TMEM117: variants seen among roughly 807,000 people sequenced by gnomAD.
The protein encoded by TMEM117 is transmembrane protein 117.
TMEM117 carries 27 observed loss-of-function variants against 52.4 expected under a neutral mutation model. The ratio of observed to expected loss-of-function variants is 0.51; its 90% CI spans 0.38 to 0.71. The LOEUF (loss-of-function observed/expected upper bound fraction) is 0.71, where lower values mean the gene tolerates loss of function less well. Among genes scored for constraint, TMEM117 ranks in the 30% least tolerant of loss-of-function variants. The pLI, the probability that TMEM117 is intolerant of heterozygous loss-of-function variation, is 0.00. For synonymous variants in TMEM117, 215 were observed against 206.3 expected, an observed-to-expected ratio of 1.04 and a Z score of -0.36; for missense variants, 556 against 630.5, an observed-to-expected ratio of 0.88 and a Z score of 1.26.
intron 5 of TMEM117, among the ~76,000 whole-genome samples, chr12:44,285,074 G>A (rs904383609): frequency 1.3e-5 from 2 of 152,138 alleles, no homozygotes; most frequent in Admixed American, 6.5e-5. Flanking sequence ...CAGAACTCCA[G>A]GGGACTTTAT....
intron 5 of TMEM117, among the ~76,000 whole-genome samples, chr12:44,270,569 G>A (rs1207959503): frequency 6.6e-6 from 1 of 152,052 alleles, no homozygotes; most frequent in Non-Finnish European, 1.5e-5. Flanking sequence ...AAGAGTGACA[G>A]TTTTACTTCC....
chr12:43,799,796 A>T, the TMEM117 span, among the ~76,000 whole-genome samples: 1 of 152,120 alleles, frequency 6.6e-6, no homozygotes, highest in Non-Finnish European at 1.5e-5. Context: ...AGTCTATAGG[A>T]CAACTGTAAT....
chr12:43,879,600 C>T (rs1015311215), intron 2 of TMEM117, among the ~76,000 whole-genome samples: 1 of 152,200 alleles, frequency 6.6e-6, no homozygotes, highest in African/African-American at 2.4e-5. Flanking sequence ...ATGTCATCTC[C>T]ATAGTTTGAT....
intron 3 of TMEM117, among the ~76,000 whole-genome samples, chr12:44,070,118 T>C (rs1436939520): frequency 6.6e-6 from 1 of 152,192 alleles, no homozygotes; most frequent in African/African-American, 2.4e-5. Flanking sequence ...TTTAAACTCC[T>C]GGACTCAAGT....
intron 3 of TMEM117, among the ~76,000 whole-genome samples, chr12:44,029,753 T>C (rs1315701973): frequency 1.3e-5 from 2 of 152,190 alleles, no homozygotes; most frequent in Admixed American, 1.3e-4. Flanking sequence ...TGTTCTATAG[T>C]GGAGAGGGGT....
At chr12:43,923,516 T>C (rs1015685459) in intron 2 of TMEM117, among the ~76,000 whole-genome samples, 31 of 152,224 alleles carry the variant, frequency 2.0e-4, no homozygotes, top group African/African-American at 7.5e-4. Context: ...TTACAATGAG[T>C]CAGTATTTTT....
At chr12:43,804,658 A>G in the TMEM117 span, 1 of 918,816 alleles carries the variant, frequency 1.1e-6, no homozygotes, top group Admixed American at 2.6e-5. Flanking sequence ...ATTAGAATAC[A>G]AAGAAAAAAT....
chr12:43,921,593 G>T (rs1944694988), intron 2 of TMEM117, among the ~76,000 whole-genome samples: 1 of 152,046 alleles, frequency 6.6e-6, no homozygotes, highest in Non-Finnish European at 1.5e-5. Flanking sequence ...AAGTTTTATT[G>T]GTTCTACCTT....
chr12:43,954,307 T>G (rs920736192), intron 3 of TMEM117, among the ~76,000 whole-genome samples: 2 of 146,676 alleles, frequency 1.4e-5, no homozygotes, highest in African/African-American at 5.1e-5. Flanking sequence ...AAGCTCAGAG[T>G]GGAACTGAAG....
intron 3 of TMEM117, among the ~76,000 whole-genome samples, chr12:43,959,086 C>T (rs947585545): frequency 1.3e-5 from 2 of 152,120 alleles, no homozygotes; most frequent in African/African-American, 4.8e-5. Flanking sequence ...GCATTACAGG[C>T]GTGAGCCACC....
intron 6 of TMEM117, among the ~76,000 whole-genome samples, chr12:44,306,884 T>A (rs1950911054): frequency 6.6e-6 from 1 of 152,240 alleles, no homozygotes; most frequent in South Asian, 2.1e-4. Flanking sequence ...TAAATTGTCG[T>A]TAGGTGTTAA....
intron 2 of TMEM117, among the ~76,000 whole-genome samples, chr12:43,890,567 C>T (rs1405989743): frequency 2.6e-5 from 4 of 151,664 alleles, no homozygotes; most frequent in South Asian, 2.1e-4. Context: ...GAGTTTTGCT[C>T]GTCACCCAGG....
intron 6 of TMEM117, among the ~76,000 whole-genome samples, chr12:44,303,558 A>T (rs1001945765): frequency 1.3e-5 from 2 of 152,348 alleles, no homozygotes; most frequent in African/African-American, 4.8e-5. Context: ...ACTCACTAGA[A>T]CTAGGGCATA....
At chr12:44,051,163 T>C (rs1946964846) in intron 3 of TMEM117, among the ~76,000 whole-genome samples, 1 of 152,190 alleles carries the variant, frequency 6.6e-6, no homozygotes, top group South Asian at 2.1e-4. Context: ...GAAATGTGTA[T>C]AGACATACAC....
chr12:44,142,185 T>C (rs1948580349), intron 3 of TMEM117, among the ~76,000 whole-genome samples: 2 of 152,168 alleles, frequency 1.3e-5, no homozygotes. Context: ...TGAGAGTTGA[T>C]GTATACACTG....
At chr12:43,929,922 AT>A (rs58047544) in intron 2 of TMEM117, among the ~76,000 whole-genome samples, 1 of 151,996 alleles carries the variant, frequency 6.6e-6, no homozygotes, top group Non-Finnish European at 1.5e-5. Context: ...CTTTTCAGTA[AT>A]TTTTTTATGT....
Position 44,170,721 on chromosome 12 carries a change from C to G in TMEM117, c.510+27097C>G, listed in dbSNP as rs147440090. Among the ~76,000 whole-genome samples the G allele has an allele frequency of 2.3e-3, 354 of 152,242 alleles. 12 individuals carry two copies. In the East Asian group the frequency reaches 0.035, roughly 15 times the overall value. ...TTGATAGATCAATGTTCTCTTTTCC[C>G]TGTGACTTTTTAAAATTAATTATTA... is the stretch of plus-strand genomic sequence containing the variant. On this transcript the variant is annotated intron_variant, in intron 4 of 7. Coordinates refer to ENST00000266534, the MANE Select transcript of TMEM117 (RefSeq NM_032256.3).
intron 6 of TMEM117, among the ~76,000 whole-genome samples, chr12:44,349,878 TAGC>T (rs1373830734): frequency 3.3e-5 from 5 of 151,996 alleles, no homozygotes; most frequent in African/African-American, 1.2e-4. Context: ...TACTCCAATC[TAGC>T]AGAAGAGAAA....
At chr12:43,802,733 A>T in the TMEM117 span, among the ~76,000 whole-genome samples, 1 of 152,198 alleles carries the variant, frequency 6.6e-6, no homozygotes, top group Non-Finnish European at 1.5e-5. Context: ...AGTTGAACTG[A>T]ATGGTCAAAT....
Sources: gnomAD v4.1 joint callset for allele counts (sites outside exome capture counted in the v4.1 genomes callset) on GRCh38, gnomAD v4.1.1 for gene constraint, MANE v1.5 for transcripts, NCBI Gene and HGNC (gene_info 2026-07-23, HGNC 2026-07-21) for gene names.